CIT: variants seen among roughly 807,000 people sequenced by gnomAD.
CIT encodes the protein citron rho-interacting serine/threonine kinase.
CIT carries 79 observed loss-of-function variants against 272.7 expected under a neutral mutation model. The observed-to-expected ratio is 0.29, with a 90% CI of 0.24 to 0.35. The LOEUF (loss-of-function observed/expected upper bound fraction) is 0.35, where lower values mean the gene tolerates loss of function less well. Among genes scored for constraint, CIT ranks in the 10% least tolerant of loss-of-function variants. CIT has a pLI of 1.00. For missense variants in CIT, 1,909 were observed against 2,618.3 expected, an observed-to-expected ratio of 0.73 and a Z score of 5.91; for synonymous variants, 948 against 995.6, an observed-to-expected ratio of 0.95 and a Z score of 0.90.
rs1950760388 is a variant in CIT, at chr12:119,873,914, C to G, written c.96+2159G>C. 2.6e-5 allele frequency among the ~76,000 whole-genome samples: 4 copies of G among 152,076 alleles called. No individual in the cohort carries two copies. In the South Asian group the frequency reaches 8.3e-4, roughly 32 times the overall value. ...ATATTATAACTAATACTATTCTATG[C>G]TGAGTATTAACAATAATTACCATTT... On this transcript the variant is annotated intron_variant, in intron 2 of 47. Transcript: ENST00000392521.
At chr12:119,825,541 A>T (rs376726296) in intron 7 of CIT, among the ~76,000 whole-genome samples, 173 bp from the exon 8 acceptor site, 2 of 23,074 alleles carry the variant, frequency 8.7e-5, no homozygotes, top group South Asian at 1.8e-3. Flanking sequence ...TTACTAATTT[A>T]AAAAAAAAAA....
Position 119,770,599 on chromosome 12 carries a change from C to A in CIT, c.2208+186G>T, listed in dbSNP as rs1288897496. ...GATATTTACGGATCTGTTACCAGTG[C>A]TGAAATGTCCGTTATTTGGTTATTC... is the stretch of plus-strand genomic sequence containing the variant. On this transcript the variant is annotated intron_variant, in intron 18 of 47. Coordinates refer to ENST00000392521, the MANE Select transcript of CIT (RefSeq NM_001206999.2). This position sits in a 1 kb window ranked among gnomAD's most constrained non-coding sequence, Gnocchi z 4.4. 6.6e-6 allele frequency among the ~76,000 whole-genome samples: 1 copy of A among 151,450 alleles called. No homozygotes were observed. Among genetic ancestry groups the A allele is most frequent in the Non-Finnish European group, 1.5e-5 (1 of 67,976 alleles).
At chr12:119,704,991 C>A (rs1360803720) in intron 40 of CIT, among the ~76,000 whole-genome samples, 1 of 152,170 alleles carries the variant, frequency 6.6e-6, no homozygotes, top group Non-Finnish European at 1.5e-5. Context: ...CGGCTCACTG[C>A]AGCCTCCACC....
chr12:119,798,803 A>G (rs1356611188), intron 10 of CIT, among the ~76,000 whole-genome samples: 1 of 152,238 alleles, frequency 6.6e-6, no homozygotes, highest in Non-Finnish European at 1.5e-5. Flanking sequence ...TAATTTAACA[A>G]GAATTGTGAA....
intron 5 of CIT, among the ~76,000 whole-genome samples, chr12:119,842,388 CAAAAAAAAAAAAAAA>C (rs58634070): frequency 4.2e-5 from 3 of 71,536 alleles, no homozygotes; most frequent in African/African-American, 1.6e-4. Context: ...GACTGCATCT[CAAAAAAAAAAAAAAA>C]AAAAAAAAAA....
At chr12:119,749,311 T>G (rs1959892793) in intron 23 of CIT, among the ~76,000 whole-genome samples, 1 of 152,258 alleles carries the variant, frequency 6.6e-6, no homozygotes. Context: ...TCCTAGGCGA[T>G]CATTATAGAT....
chr12:119,802,145 A>G (rs1164476732), intron 10 of CIT, among the ~76,000 whole-genome samples: 1 of 152,184 alleles, frequency 6.6e-6, no homozygotes, highest in Non-Finnish European at 1.5e-5. Flanking sequence ...GCCAAGAAGA[A>G]TATCAAATTC....
chr12:119,696,683 C>A (rs1333204409), intron 46 of CIT, among the ~76,000 whole-genome samples: 1 of 152,158 alleles, frequency 6.6e-6, no homozygotes, highest in African/African-American at 2.4e-5. Flanking sequence ...CACACCACCA[C>A]ACCTGGCTAA....
chr12:119,785,270 C>G (rs1345472542), intron 10 of CIT, among the ~76,000 whole-genome samples: 1 of 152,198 alleles, frequency 6.6e-6, no homozygotes, highest in Non-Finnish European at 1.5e-5. Context: ...GCAAAAGGGA[C>G]TTTGCAGATG....
chr12:119,752,340 G>A, intron 22 of CIT, 93 bp from the exon 23 acceptor site: 1 of 1,208,638 alleles, frequency 8.3e-7, no homozygotes, highest in Non-Finnish European at 1.1e-6. Context: ...TCAACCTGCA[G>A]CTGAAACCTG....
intron 41 of CIT, among the ~76,000 whole-genome samples, chr12:119,702,221 C>T (rs1040340216): frequency 6.6e-6 from 1 of 152,068 alleles, no homozygotes; most frequent in Admixed American, 6.6e-5. Flanking sequence ...CCTCCCACCT[C>T]AGCCTCCCAA....
At chr12:119,855,280 G>A (rs1177402390) in intron 4 of CIT, among the ~76,000 whole-genome samples, 2 of 151,822 alleles carry the variant, frequency 1.3e-5, no homozygotes, top group Middle Eastern at 3.2e-3. Flanking sequence ...AAAATTAGCC[G>A]GGCATTGTGG....
At chr12:119,749,603 A>G (rs903928499) in intron 23 of CIT, among the ~76,000 whole-genome samples, 5 of 152,200 alleles carry the variant, frequency 3.3e-5, no homozygotes, top group African/African-American at 1.2e-4. Flanking sequence ...ATGGGTTTGC[A>G]AACAGCTGTT....
In CIT at chr12:119,753,334, C is replaced by T. The variant is rs1306013544; in HGVS notation, c.2707-1087G>A. Among the ~76,000 whole-genome samples the T allele has an allele frequency of 2.0e-5, 3 of 152,152 alleles. No individual in the cohort carries two copies. The East Asian group carries it at 5.8e-4, about 29-fold the overall frequency. On this transcript the variant is annotated intron_variant, in intron 22 of 47. Coordinates refer to ENST00000392521, the MANE Select transcript of CIT (RefSeq NM_001206999.2). ...AAAGGTGGCACCCACATCCCGAAGC[C>T]CATAGGGGTGAAGAGAAGAAACACT...
At chr12:119,726,035 T>TGTGTGTGTG (rs1565946454) in intron 28 of CIT, among the ~76,000 whole-genome samples, 1 of 145,080 alleles carries the variant, frequency 6.9e-6, no homozygotes, top group African/African-American at 2.5e-5. Flanking sequence ...TGTGTGTGTG[T>TGTGTGTGTG]TTAGTATTAA....
chr12:119,860,714 C>G (rs1043202573), intron 3 of CIT, among the ~76,000 whole-genome samples: 1 of 151,942 alleles, frequency 6.6e-6, no homozygotes, highest in Non-Finnish European at 1.5e-5. Context: ...CATGACAATA[C>G]TCTCTTGGAA....
In CIT at chr12:119,770,945, G is replaced by C; in HGVS notation, c.2083-35C>G. The C allele has an allele frequency of 1.9e-6, 3 of 1,611,432 alleles. No individual in the cohort carries two copies. Among genetic ancestry groups the C allele is most frequent in the African/African-American group, 1.3e-5 (1 of 74,942 alleles). On this transcript the variant is annotated intron_variant, in intron 17 of 47. Transcript: ENST00000392521. The surrounding 1 kb of genome is among the most constrained non-coding windows in gnomAD (Gnocchi z 4.4). ...ATGAATCAATCAGAGAGTTTTAATG[G>C]AGTAACCGCTATGGGCATAACACCT...
intron 18 of CIT, among the ~76,000 whole-genome samples, chr12:119,767,912 C>CTTT (rs746988178): frequency 7.3e-6 from 1 of 136,272 alleles, no homozygotes; most frequent in Non-Finnish European, 1.6e-5. Flanking sequence ...AAGTTTCCAG[C>CTTT]TTTTTTTTTT....
intron 44 of CIT, chr12:119,699,762 G>A (rs574068483): frequency 4.8e-5 from 22 of 455,948 alleles, no homozygotes; most frequent in South Asian, 2.9e-4. Context: ...GTCCAGTCAA[G>A]CCACGGAGTT....
Sources: allele counts gnomAD v4.1 joint callset (sites outside exome capture counted in the v4.1 genomes callset), GRCh38; gene constraint gnomAD v4.1.1; non-coding constraint Gnocchi (gnomAD v3.1); transcripts MANE v1.5; gene names NCBI Gene and HGNC (gene_info 2026-07-23, HGNC 2026-07-21).